The following TNS3 variants were observed in gnomAD, a reference collection of about 807,000 sequenced individuals.
The protein encoded by TNS3 is tensin 3.
In TNS3, 45 loss-of-function variants were observed where a neutral mutation model predicts 140.9. That is an observed-to-expected ratio of 0.32 (90% CI 0.25 to 0.41). The LOEUF is 0.41. Ranked by LOEUF, TNS3 falls within the 10% of genes least tolerant of loss-of-function variation. TNS3 has a pLI of 1.00. For missense variants in TNS3, 1,716 were observed against 1,906.7 expected (o/e 0.90, Z 1.86); for synonymous variants, 815 against 788.4 (o/e 1.03, Z -0.56).
chr7:47,359,274 G>A (rs908232420), intron 17 of TNS3, among the ~76,000 whole-genome samples: 1 of 152,124 alleles, frequency 6.6e-6, no homozygotes, highest in Non-Finnish European at 1.5e-5. Flanking sequence ...CACACACCAC[G>A]TCACAGGAGC....
chr7:47,411,700 C>T (rs1793780356), intron 13 of TNS3, 27 bp downstream of exon 13: 1 of 1,599,016 alleles, frequency 6.3e-7, no homozygotes, highest in Non-Finnish European at 8.5e-7. Context: ...GGACACCAAC[C>T]CATCTGCGGC....
At chr7:47,389,355 G>C in intron 16 of TNS3, among the ~76,000 whole-genome samples, 1 of 152,274 alleles carries the variant, frequency 6.6e-6, no homozygotes, top group East Asian at 1.9e-4. Flanking sequence ...TGTGCCGACT[G>C]GGGGTTGGGA....
chr7:47,355,732 A>G (rs1789956696), intron 17 of TNS3, among the ~76,000 whole-genome samples: 1 of 152,192 alleles, frequency 6.6e-6, no homozygotes, highest in Non-Finnish European at 1.5e-5. Flanking sequence ...AGTGTAAAAT[A>G]ACACATCCTG....
intron 16 of TNS3, among the ~76,000 whole-genome samples, chr7:47,384,435 G>A (rs566553707): frequency 3.9e-5 from 6 of 152,298 alleles, no homozygotes; most frequent in South Asian, 2.1e-4. Flanking sequence ...TCCCCCAAAC[G>A]TCCATGCCTC....
intron 20 of TNS3, among the ~76,000 whole-genome samples, chr7:47,336,845 T>C (rs1788659465): frequency 6.6e-6 from 1 of 152,194 alleles, no homozygotes; most frequent in African/African-American, 2.4e-5. Flanking sequence ...GGTCACCCTA[T>C]TGCGTTAGCC....
intron 20 of TNS3, among the ~76,000 whole-genome samples, chr7:47,327,503 G>C (rs1406356405): frequency 6.6e-6 from 1 of 152,188 alleles, no homozygotes. Flanking sequence ...GAACTGGGGT[G>C]GGGGCGGTGA....
intron 4 of TNS3, among the ~76,000 whole-genome samples, chr7:47,480,049 A>C (rs1391148899): frequency 6.6e-6 from 1 of 152,226 alleles, no homozygotes; most frequent in East Asian, 1.9e-4. Flanking sequence ...TCATCAAAGC[A>C]GGGAAGCTGC....
rs1794020168 is a variant in TNS3, at chr7:47,415,330, C to T, written c.474-124G>A. 5 of 647,740 alleles carry T rather than the reference C, an allele frequency of 7.7e-6. No homozygotes were observed. In the East Asian group the frequency reaches 9.2e-5, roughly 12 times the overall value. 40.1% of individuals were successfully genotyped at this position (647,740 alleles called of 1,614,324 possible). On this transcript the variant is annotated intron_variant, in intron 10 of 30. Coordinates refer to ENST00000311160, the MANE Select transcript of TNS3 (RefSeq NM_022748.12). ...TCTGGGAGAGAATCGGTCCACTGCT[C>T]ACAGCCAGGGGTTCTCAGCATGGTG...
At chr7:47,340,585 C>CTTTTTTTTTTTTCTTTTTTTTTTTTTTTT (rs1554297322) in intron 20 of TNS3, among the ~76,000 whole-genome samples, 1 of 134,856 alleles carries the variant, frequency 7.4e-6, no homozygotes, top group African/African-American at 2.8e-5. Context: ...TCTTTTTTTT[C>CTTTTTTTTTTTTCTTTTTTTTTTTTTTTT]TTTTTTTTTT....
At chr7:47,524,500 A>G (rs1006747915) in intron 2 of TNS3, among the ~76,000 whole-genome samples, 2 of 152,156 alleles carry the variant, frequency 1.3e-5, no homozygotes, top group Non-Finnish European at 2.9e-5. Context: ...GAAAGGAACC[A>G]GCTTAAAAAA....
At chr7:47,525,653 T>C (rs1799164771) in intron 2 of TNS3, among the ~76,000 whole-genome samples, 1 of 152,234 alleles carries the variant, frequency 6.6e-6, no homozygotes, top group Admixed American at 6.5e-5. Context: ...CAATGTGGAA[T>C]ATCTGTGCGC....
At chr7:47,299,154 G>A (rs973583131) in intron 23 of TNS3, among the ~76,000 whole-genome samples, 13 of 152,048 alleles carry the variant, frequency 8.5e-5, no homozygotes, top group Non-Finnish European at 1.3e-4. Context: ...TTATTTTTTT[G>A]AGATAGGCTC....
At chr7:47,291,533 T>C (rs1234084797) in intron 27 of TNS3, among the ~76,000 whole-genome samples, 2 of 152,158 alleles carry the variant, frequency 1.3e-5, no homozygotes, top group Admixed American at 6.5e-5. Context: ...CTGCTCTGTC[T>C]GGCGAGCTGG....
At chr7:47,525,903 G>C (rs980100209) in intron 2 of TNS3, among the ~76,000 whole-genome samples, 2 of 152,224 alleles carry the variant, frequency 1.3e-5, no homozygotes, top group Non-Finnish European at 2.9e-5. Flanking sequence ...AGTTCATTTG[G>C]AACCAGAGGA....
chr7:47,530,684 G>A (rs942119247), intron 1 of TNS3, among the ~76,000 whole-genome samples: 1 of 150,870 alleles, frequency 6.6e-6, no homozygotes, highest in African/African-American at 2.4e-5. Context: ...AATTAGCCGG[G>A]CATGGTGGTG....
chr7:47,414,305 G>T (rs1369243689), intron 11 of TNS3, among the ~76,000 whole-genome samples: 2 of 152,200 alleles, frequency 1.3e-5, no homozygotes, highest in East Asian at 3.9e-4. Flanking sequence ...TGACCAGGGG[G>T]ACCTGAAGGC....
At chr7:47,377,351 C>T (rs546698932) in intron 16 of TNS3, among the ~76,000 whole-genome samples, 61 of 152,310 alleles carry the variant, frequency 4.0e-4, no homozygotes, top group African/African-American at 1.4e-3. Flanking sequence ...CACTGCCAGA[C>T]TCAAAGGGCT....
chr7:47,466,139 A>G (rs1324675037), intron 4 of TNS3, among the ~76,000 whole-genome samples: 1 of 151,906 alleles, frequency 6.6e-6, no homozygotes, highest in African/African-American at 2.4e-5. Flanking sequence ...TGTTTATTCA[A>G]TATGTCACTT....
chr7:47,394,126 T>C (rs1044230912), intron 16 of TNS3, among the ~76,000 whole-genome samples: 3 of 152,262 alleles, frequency 2.0e-5, no homozygotes, highest in Admixed American at 2.0e-4. Flanking sequence ...GGGCCTTAGA[T>C]ATTTAAAGTT....
Sources: gnomAD v4.1 joint callset for allele counts (sites outside exome capture counted in the v4.1 genomes callset) on GRCh38, gnomAD v4.1.1 for gene constraint, MANE v1.5 for transcripts, NCBI Gene and HGNC (gene_info 2026-07-23, HGNC 2026-07-21) for gene names.